EXOC6B: variants seen among roughly 807,000 people sequenced by gnomAD.
EXOC6B encodes exocyst complex component 6B.
Under a neutral mutation model 113.5 loss-of-function variants are expected in EXOC6B, and 54 were observed. The ratio of observed to expected loss-of-function variants is 0.48; its 90% CI spans 0.38 to 0.60. The LOEUF (loss-of-function observed/expected upper bound fraction) is 0.60. Among genes scored for constraint, EXOC6B ranks in the 20% least tolerant of loss-of-function variants. The probability of loss-of-function intolerance (pLI) is 0.00; values close to 1 mark genes in which losing one functional copy is unlikely to be tolerated. For synonymous variants in EXOC6B, 357 were observed against 339.0 expected, an observed-to-expected ratio of 1.05 and a Z score of -0.58; for missense variants, 797 against 977.5, an observed-to-expected ratio of 0.82 and a Z score of 2.46.
intron 20 of EXOC6B, among the ~76,000 whole-genome samples, chr2:72,298,105 A>G (rs952721513): frequency 3.3e-5 from 5 of 152,224 alleles, no homozygotes; most frequent in Non-Finnish European, 7.4e-5. Context: ...GTCTCCCACT[A>G]TTATTGTGTG....
chr2:72,459,937 G>A (rs1328698779), intron 18 of EXOC6B, among the ~76,000 whole-genome samples: 3 of 152,118 alleles, frequency 2.0e-5, no homozygotes, highest in African/African-American at 2.4e-5. Flanking sequence ...GAGGCATCAT[G>A]CTACCTGACT....
At chr2:72,323,304 A>T (rs558247342) in intron 20 of EXOC6B, among the ~76,000 whole-genome samples, 63 of 152,360 alleles carry the variant, frequency 4.1e-4, no homozygotes, top group Middle Eastern at 3.4e-3. Context: ...CATGACAGTT[A>T]GAATGGTGAT....
intron 1 of EXOC6B, among the ~76,000 whole-genome samples, chr2:72,774,127 T>C (rs143608706): frequency 3.9e-5 from 6 of 152,334 alleles, no homozygotes; most frequent in Non-Finnish European, 7.4e-5. Context: ...CAAATATTGA[T>C]ATATTTCATT....
intron 8 of EXOC6B, among the ~76,000 whole-genome samples, chr2:72,549,700 AT>A (rs1053204553): frequency 6.6e-6 from 1 of 152,204 alleles, no homozygotes; most frequent in Non-Finnish European, 1.5e-5. Context: ...GACTAAAGAT[AT>A]AGGTTTGGAA....
chr2:72,725,809 T>C (rs1308393089), intron 5 of EXOC6B, among the ~76,000 whole-genome samples: 2 of 152,138 alleles, frequency 1.3e-5, no homozygotes, highest in African/African-American at 4.8e-5. Flanking sequence ...TTCCTCAAAA[T>C]GGTAAAACAT....
At chr2:72,734,028 C>T (rs1199435026) in intron 2 of EXOC6B, among the ~76,000 whole-genome samples, 5 of 152,280 alleles carry the variant, frequency 3.3e-5, no homozygotes, top group Middle Eastern at 3.4e-3. Context: ...TAAACACACA[C>T]ACAAATACAC....
chr2:72,469,097 A>G (rs1183372582), intron 17 of EXOC6B, among the ~76,000 whole-genome samples: 1 of 152,158 alleles, frequency 6.6e-6, no homozygotes, highest in Non-Finnish European at 1.5e-5. Flanking sequence ...TTTATTATCA[A>G]CTAAAGTCCC....
At chr2:72,618,018 G>C (rs1365816234) in intron 6 of EXOC6B, among the ~76,000 whole-genome samples, 1 of 152,094 alleles carries the variant, frequency 6.6e-6, no homozygotes, top group Non-Finnish European at 1.5e-5. Flanking sequence ...TAAAAGTGGG[G>C]ACTGATAATG....
intron 18 of EXOC6B, among the ~76,000 whole-genome samples, chr2:72,406,071 G>A (rs1476921205): frequency 6.6e-6 from 1 of 152,114 alleles, no homozygotes; most frequent in Non-Finnish European, 1.5e-5. Flanking sequence ...TGATAAAACA[G>A]ACTTTAAACC....
chr2:72,687,497 C>A (rs561838369), intron 6 of EXOC6B, among the ~76,000 whole-genome samples: 1 of 151,610 alleles, frequency 6.6e-6, no homozygotes, highest in African/African-American at 2.4e-5. Flanking sequence ...CAAAACCCCA[C>A]AAAATCAACA....
chr2:72,508,163 C>CAA (rs67586747), intron 11 of EXOC6B, among the ~76,000 whole-genome samples: 88 of 57,496 alleles, frequency 1.5e-3, no homozygotes, highest in African/African-American at 9.3e-3. Flanking sequence ...ATATTACCCG[C>CAA]AAAAAAAAAA....
At chr2:72,708,560 C>T (rs1475423256) in intron 6 of EXOC6B, among the ~76,000 whole-genome samples, 1 of 151,802 alleles carries the variant, frequency 6.6e-6, no homozygotes, top group African/African-American at 2.4e-5. Flanking sequence ...TCAGTCATTG[C>T]CAGGGGTTAT....
At chr2:72,316,429 C>T (rs1687517998) in intron 20 of EXOC6B, among the ~76,000 whole-genome samples, 1 of 152,118 alleles carries the variant, frequency 6.6e-6, no homozygotes, top group South Asian at 2.1e-4. Flanking sequence ...GTTCCCTTTA[C>T]CCACTTTACC....
chr2:72,239,259 T>C (rs1028208205), intron 20 of EXOC6B, among the ~76,000 whole-genome samples: 2 of 152,248 alleles, frequency 1.3e-5, no homozygotes, highest in Non-Finnish European at 1.5e-5. Flanking sequence ...CGGTGTTGCC[T>C]AACTCAAGGT....
chr2:72,266,665 G>A (rs1345948227), intron 20 of EXOC6B, among the ~76,000 whole-genome samples: 1 of 152,162 alleles, frequency 6.6e-6, no homozygotes, highest in Non-Finnish European at 1.5e-5. Flanking sequence ...TAGCCTTGTA[G>A]TATGGTTTGA....
intron 20 of EXOC6B, among the ~76,000 whole-genome samples, chr2:72,196,621 T>G (rs1391508555): frequency 6.6e-6 from 1 of 152,222 alleles, no homozygotes; most frequent in Non-Finnish European, 1.5e-5. Context: ...CAAGGGATCA[T>G]TTTTGTTTGT....
At chr2:72,207,841 T>A (rs1234030011) in intron 20 of EXOC6B, among the ~76,000 whole-genome samples, 1 of 152,210 alleles carries the variant, frequency 6.6e-6, no homozygotes, top group East Asian at 1.9e-4. Context: ...CTAAATCATA[T>A]AAATGTAATG....
At chr2:72,353,660 T>C (rs1223185505) in intron 19 of EXOC6B, among the ~76,000 whole-genome samples, 2 of 151,964 alleles carry the variant, frequency 1.3e-5, no homozygotes, top group Non-Finnish European at 2.9e-5. Flanking sequence ...AAGCATGAGC[T>C]ACCATGCCCA....
intron 18 of EXOC6B, among the ~76,000 whole-genome samples, chr2:72,416,133 T>G (rs1694508779): frequency 6.6e-6 from 1 of 152,280 alleles, no homozygotes; most frequent in South Asian, 2.1e-4. Flanking sequence ...AAATGTTTCT[T>G]AAGGATTCTG....
Sources: allele counts gnomAD v4.1 joint callset (sites outside exome capture counted in the v4.1 genomes callset), GRCh38; gene constraint gnomAD v4.1.1; transcripts MANE v1.5; gene names NCBI Gene and HGNC (gene_info 2026-07-23, HGNC 2026-07-21).